FADS2: variants seen among roughly 807,000 people sequenced by gnomAD.
The protein encoded by FADS2 is acyl-CoA 6-desaturase.
Under a neutral mutation model 61.2 loss-of-function variants are expected in FADS2, and 18 were observed. The ratio of observed to expected loss-of-function variants is 0.29; its 90% CI spans 0.20 to 0.44. The LOEUF (loss-of-function observed/expected upper bound fraction) is 0.44. FADS2 is among the 20% of genes least tolerant of loss of function. FADS2 has a pLI of 1.00. For missense variants in FADS2, 322 were observed against 572.7 expected (o/e 0.56, Z 4.47); for synonymous variants, 203 against 223.9 (o/e 0.91, Z 0.83).
chr11:61,826,128 C>T (rs1450888475), upstream of FADS2: 1 of 702,644 alleles, frequency 1.4e-6, no homozygotes, highest in African/African-American at 1.7e-5. Flanking sequence ...ATGTCCAAGC[C>T]TCCTCCATGG....
intron 5 of FADS2, chr11:61,849,902 G>T (rs1039937686): frequency 2.6e-5 from 4 of 151,758 alleles, no homozygotes; most frequent in African/African-American, 9.7e-5. Context: ...GTAGTGGTGT[G>T]CGTCTGTGGT....
upstream of FADS2, chr11:61,826,084 C>T (rs1292080492): frequency 4.3e-6 from 3 of 702,608 alleles, no homozygotes; most frequent in Admixed American, 4.0e-5. Flanking sequence ...TCTTTCTACA[C>T]CATGGATCTG....
chr11:61,834,015 C>G (rs2135956827), intron 1 of FADS2, among the ~76,000 whole-genome samples: 1 of 152,356 alleles, frequency 6.6e-6, no homozygotes, highest in South Asian at 2.1e-4. Context: ...GTACGTCACG[C>G]AGTCTGATGA....
At chr11:61,839,012 C>G (rs1480477233) in intron 2 of FADS2, among the ~76,000 whole-genome samples, 1 of 152,212 alleles carries the variant, frequency 6.6e-6, no homozygotes, top group Non-Finnish European at 1.5e-5. Context: ...GCACCTTGGT[C>G]ATGCCCTGTG....
intron 4 of FADS2, among the ~76,000 whole-genome samples, chr11:61,845,801 A>AAT (rs2067253923): frequency 6.6e-6 from 1 of 151,930 alleles, no homozygotes; most frequent in Non-Finnish European, 1.5e-5. Flanking sequence ...AAAAAAAAAA[A>AAT]AAATGGAAGA....
chr11:61,849,376 C>T (rs2067287308), intron 5 of FADS2, among the ~76,000 whole-genome samples: 1 of 152,148 alleles, frequency 6.6e-6, no homozygotes, highest in Non-Finnish European at 1.5e-5. Flanking sequence ...AATTAAAACA[C>T]GAGTCTCAGC....
chr11:61,856,125 G>A (rs959573020), intron 5 of FADS2: 2 of 152,274 alleles, frequency 1.3e-5, no homozygotes, highest in Non-Finnish European at 2.9e-5. Context: ...CTCAGTGAGC[G>A]GCATCTTTTG....
In FADS2 at chr11:61,865,776, C is replaced by T. The variant is rs1011209515; in HGVS notation, c.*87C>T. 2.8e-5 allele frequency: 33 copies of T among 1,182,158 alleles called. No homozygotes were observed. Among genetic ancestry groups the T allele is most frequent in the Admixed American group, 7.9e-5 (4 of 50,620 alleles). The allele number at this position is 1,182,158 out of a possible 1,614,324, so 73.2% of individuals were successfully genotyped here. On this transcript the variant is annotated 3_prime_UTR_variant, in exon 12 of 12. Transcript: ENST00000278840. This position sits in a 1 kb window ranked among gnomAD's most constrained non-coding sequence, Gnocchi z 4.1. ...ATGGGCTTTTGTTCTGAGGGGTGTC[C>T]GAGAGGCTGGTGTATGCACTGCTCA...
chr11:61,834,050 A>G (rs943605973), intron 1 of FADS2, among the ~76,000 whole-genome samples: 2 of 152,196 alleles, frequency 1.3e-5, no homozygotes, highest in African/African-American at 2.4e-5. Flanking sequence ...TGCTATGAAG[A>G]TCTAACAGGG....
At chr11:61,842,543 A>G (rs1453906418) in intron 4 of FADS2, among the ~76,000 whole-genome samples, 4 of 152,232 alleles carry the variant, frequency 2.6e-5, no homozygotes, top group Non-Finnish European at 5.9e-5. Flanking sequence ...GCCCCAGAGC[A>G]CGGCTGTTGC....
At chr11:61,863,875 C>A in intron 10 of FADS2, 89 bp downstream of exon 10, 1 of 1,052,390 alleles carries the variant, frequency 9.5e-7, no homozygotes, top group Non-Finnish European at 1.5e-6. Flanking sequence ...AATGTGGGGG[C>A]CACCTCTTTG....
intron 7 of FADS2, among the ~76,000 whole-genome samples, chr11:61,858,068 C>G (rs1391504284): frequency 6.6e-6 from 1 of 152,204 alleles, no homozygotes; most frequent in East Asian, 1.9e-4. Flanking sequence ...CTGGAAGGCT[C>G]TGTTCTGGGC....
intron 1 of FADS2, among the ~76,000 whole-genome samples, chr11:61,829,571 G>A (rs921773111): frequency 8.5e-5 from 13 of 152,200 alleles, no homozygotes; most frequent in African/African-American, 3.1e-4. Context: ...GATGCAGCTG[G>A]TATCCCATGG....
chr11:61,856,993 TCTCTC>T lies in FADS2; in HGVS notation c.745-12_745-8del. 1 of 1,610,308 alleles carries T rather than the reference TCTCTC, an allele frequency of 6.2e-7. No homozygotes were observed. The highest frequency in any genetic ancestry group is 8.5e-7 in the Non-Finnish European group (1 of 1,176,678). On this transcript the variant is annotated splice_polypyrimidine_tract_variant and intron_variant, in intron 5 of 11. Coordinates refer to ENST00000278840, the MANE Select transcript of FADS2 (RefSeq NM_004265.4). ...AGCTGAGGCTACTGGGTGCTCATGA[TCTCTC>T]CTCTCTCCTCAGTACGGCAAGAAGA...
intron 5 of FADS2, among the ~76,000 whole-genome samples, chr11:61,852,736 A>G (rs2067317958): frequency 6.6e-6 from 1 of 152,122 alleles, no homozygotes. Flanking sequence ...TGGCCTTCCA[A>G]TGAATGGGAT....
chr11:61,835,456 CG>C (rs1415265183), intron 1 of FADS2, among the ~76,000 whole-genome samples: 1 of 150,606 alleles, frequency 6.6e-6, no homozygotes, highest in African/African-American at 2.4e-5. Context: ...TGCAGTGGCA[CG>C]ATCTCAGCTC....
chr11:61,845,275 T>G (rs1238690949), intron 4 of FADS2, among the ~76,000 whole-genome samples: 2 of 151,726 alleles, frequency 1.3e-5, no homozygotes, highest in Non-Finnish European at 2.9e-5. Flanking sequence ...TCAGTTTGGG[T>G]TTGGTGTGAT....
At chr11:61,860,459 A>G (rs1439963219) in intron 7 of FADS2, among the ~76,000 whole-genome samples, 1 of 152,166 alleles carries the variant, frequency 6.6e-6, no homozygotes, top group Non-Finnish European at 1.5e-5. Flanking sequence ...TGTATCTGAC[A>G]CCACTGGCCA....
chr11:61,842,345 C>G (rs763418739), intron 4 of FADS2, among the ~76,000 whole-genome samples: 26 of 152,234 alleles, frequency 1.7e-4, no homozygotes, highest in Non-Finnish European at 3.5e-4. Context: ...TAGTGGAGTG[C>G]TTTGTTTCAT....
Sources: gnomAD v4.1 joint callset for allele counts (sites outside exome capture counted in the v4.1 genomes callset) on GRCh38, gnomAD v4.1.1 for gene constraint, Gnocchi (gnomAD v3.1) non-coding constraint, MANE v1.5 for transcripts, NCBI Gene and HGNC (gene_info 2026-07-23, HGNC 2026-07-21) for gene names.